The following SLC4A4 variants were observed in gnomAD, a reference collection of about 807,000 sequenced individuals.
SLC4A4 encodes electrogenic sodium bicarbonate cotransporter 1.
Under a neutral mutation model 111.5 loss-of-function variants are expected in SLC4A4, and 27 were observed. That is an observed-to-expected ratio of 0.24 (90% CI 0.18 to 0.33). The LOEUF is 0.33. Among genes scored for constraint, SLC4A4 ranks in the 10% least tolerant of loss-of-function variants. The probability of loss-of-function intolerance (pLI) is 1.00; values close to 1 mark genes in which losing one functional copy is unlikely to be tolerated. For missense variants in SLC4A4, 909 were observed against 1,315.5 expected (o/e 0.69, Z 4.78); for synonymous variants, 443 against 463.4 (o/e 0.96, Z 0.57).
intron 1 of SLC4A4, among the ~76,000 whole-genome samples, chr4:71,226,206 C>G (rs1026270): frequency 6.6e-6 from 1 of 152,132 alleles, no homozygotes; most frequent in African/African-American, 2.4e-5. Context: ...TTCACAGGCA[C>G]GATTGTAACG....
At chr4:71,149,938 C>CT (rs1042071222) in intron 2 of SLC4A4, among the ~76,000 whole-genome samples, 6 of 152,044 alleles carry the variant, frequency 3.9e-5, no homozygotes, top group African/African-American at 1.2e-4. Context: ...GTGTGAATTC[C>CT]TTTTTTTAAA....
chr4:71,287,124 G>C (rs139299795), intron 3 of SLC4A4, among the ~76,000 whole-genome samples: 17 of 152,262 alleles, frequency 1.1e-4, no homozygotes, highest in Non-Finnish European at 2.4e-4. Context: ...AGAAGGATGA[G>C]TGGTAGTGTT....
At chr4:71,429,679 G>C (rs1007312845) in intron 7 of SLC4A4, among the ~76,000 whole-genome samples, 1 of 152,096 alleles carries the variant, frequency 6.6e-6, no homozygotes. Flanking sequence ...CTGAAGCCTA[G>C]GTTGGCTAAA....
chr4:71,246,490 C>T (rs942798842), intron 2 of SLC4A4, among the ~76,000 whole-genome samples: 3 of 152,148 alleles, frequency 2.0e-5, no homozygotes, highest in African/African-American at 7.2e-5. Context: ...GTTGAAAGAG[C>T]TTACAGAGAG....
chr4:71,348,875 G>T (rs1269978701), intron 4 of SLC4A4, among the ~76,000 whole-genome samples: 1 of 152,046 alleles, frequency 6.6e-6, no homozygotes, highest in Non-Finnish European at 1.5e-5. Flanking sequence ...GCTTTCTCTA[G>T]GAAAACATTT....
intron 6 of SLC4A4, among the ~76,000 whole-genome samples, chr4:71,394,599 T>C (rs1035232209): frequency 6.6e-6 from 1 of 152,100 alleles, no homozygotes; most frequent in Middle Eastern, 3.2e-3. Context: ...GAAAACAGTG[T>C]AGAAATTCCT....
intron 8 of SLC4A4, among the ~76,000 whole-genome samples, chr4:71,441,565 G>A (rs1367794332): frequency 2.6e-5 from 4 of 152,096 alleles, no homozygotes; most frequent in African/African-American, 9.7e-5. Context: ...GCAAGGACAG[G>A]TTCCTTTAGG....
intron 16 of SLC4A4, among the ~76,000 whole-genome samples, chr4:71,522,480 T>C (rs1373858541): frequency 6.6e-6 from 1 of 152,292 alleles, no homozygotes; most frequent in East Asian, 1.9e-4. Flanking sequence ...AAGCCACAGA[T>C]TTGTGGTGGC....
chr4:71,292,827 C>CTTTTTTTTT (rs1560383981), intron 3 of SLC4A4, among the ~76,000 whole-genome samples: 2 of 141,126 alleles, frequency 1.4e-5, no homozygotes, highest in African/African-American at 2.7e-5. Flanking sequence ...GTATGTCTTA[C>CTTTTTTTTT]TTTTGGTTTT....
chr4:71,339,015 C>T, intron 3 of SLC4A4: 1 of 1,405,770 alleles, frequency 7.1e-7, no homozygotes. Context: ...TTCAAGCTGG[C>T]TTTTGTCTTA....
intron 8 of SLC4A4, among the ~76,000 whole-genome samples, chr4:71,442,218 C>A (rs536266704): frequency 1.8e-4 from 28 of 152,246 alleles, no homozygotes; most frequent in South Asian, 6.2e-4. Context: ...GAGAGCAAAT[C>A]ATGACCATTT....
At chr4:71,094,338 C>T (rs1318580594) in intron 2 of SLC4A4, among the ~76,000 whole-genome samples, 2 of 152,166 alleles carry the variant, frequency 1.3e-5, no homozygotes, top group Non-Finnish European at 1.5e-5. Flanking sequence ...TGGAAAAGTA[C>T]TTCTAAGAGC....
chr4:71,422,564 T>C (rs1225093233), intron 7 of SLC4A4, among the ~76,000 whole-genome samples: 1 of 152,208 alleles, frequency 6.6e-6, no homozygotes, highest in Admixed American at 6.5e-5. Flanking sequence ...ATATCCTTTA[T>C]GAACATTGAT....
chr4:71,184,260 T>A (rs1245436945), upstream of SLC4A4, among the ~76,000 whole-genome samples: 1 of 152,202 alleles, frequency 6.6e-6, no homozygotes, highest in Non-Finnish European at 1.5e-5. Context: ...TTCTACTACA[T>A]ACAACTTCTT....
At chr4:71,309,588 T>G (rs1725968237) in intron 3 of SLC4A4, among the ~76,000 whole-genome samples, 1 of 152,164 alleles carries the variant, frequency 6.6e-6, no homozygotes, top group South Asian at 2.1e-4. Flanking sequence ...GAGAGGGGCC[T>G]GGCTGTTGGA....
At chr4:71,334,191 A>C (rs944187584) in intron 3 of SLC4A4, among the ~76,000 whole-genome samples, 1 of 152,068 alleles carries the variant, frequency 6.6e-6, no homozygotes, top group African/African-American at 2.4e-5. Flanking sequence ...GGTACCCTTG[A>C]TGTTTATTCA....
chr4:71,087,548 A>G (rs981811027), intron 1 of SLC4A4, among the ~76,000 whole-genome samples: 3 of 152,036 alleles, frequency 2.0e-5, no homozygotes, highest in Non-Finnish European at 2.9e-5. Flanking sequence ...ATTTAGTGCT[A>G]TAAATTTCCC....
intron 1 of SLC4A4, among the ~76,000 whole-genome samples, chr4:71,086,662 T>A (rs1158011136): frequency 6.6e-6 from 1 of 152,094 alleles, no homozygotes; most frequent in Non-Finnish European, 1.5e-5. Flanking sequence ...ATTGAGATAA[T>A]CGTATGGTTT....
intron 10 of SLC4A4, among the ~76,000 whole-genome samples, chr4:71,450,870 C>G (rs1221364602): frequency 1.3e-5 from 2 of 152,114 alleles, no homozygotes; most frequent in Admixed American, 1.3e-4. Context: ...GAAGATGAGT[C>G]CTTGTAGATG....
Sources: allele counts gnomAD v4.1 joint callset (sites outside exome capture counted in the v4.1 genomes callset), GRCh38; gene constraint gnomAD v4.1.1; transcripts MANE v1.5; gene names NCBI Gene and HGNC (gene_info 2026-07-23, HGNC 2026-07-21).